SLC24A3: variants seen among roughly 807,000 people sequenced by gnomAD.
SLC24A3 encodes solute carrier family 24 member 3.
Under a neutral mutation model 75.8 loss-of-function variants are expected in SLC24A3, and 28 were observed. That is an observed-to-expected ratio of 0.37 (90% CI 0.27 to 0.51). The LOEUF is 0.51. SLC24A3 is among the 20% of genes least tolerant of loss of function. The pLI, the probability that SLC24A3 is intolerant of heterozygous loss-of-function variation, is 0.94. For synonymous variants in SLC24A3, 372 were observed against 334.1 expected (o/e 1.11, Z -1.24); for missense variants, 663 against 847.8 (o/e 0.78, Z 2.71).
At chr20:19,593,206 A>G (rs2122646250) in intron 6 of SLC24A3, among the ~76,000 whole-genome samples, 1 of 152,322 alleles carries the variant, frequency 6.6e-6, no homozygotes, top group South Asian at 2.1e-4. Context: ...TCTTTCCATG[A>G]CACCACATTC....
intron 1 of SLC24A3, among the ~76,000 whole-genome samples, chr20:19,262,337 G>A (rs573554983): frequency 0.013 from 1,970 of 149,372 alleles, 27 homozygotes; most frequent in Non-Finnish European, 0.018. Context: ...CCCGGGAGGC[G>A]GAGCTTGCAG....
chr20:19,341,382 C>G (rs185338898), intron 2 of SLC24A3, among the ~76,000 whole-genome samples: 2 of 152,240 alleles, frequency 1.3e-5, no homozygotes, highest in Admixed American at 6.5e-5. Context: ...TACAAAAGGC[C>G]CAGAGGTCAT....
intron 12 of SLC24A3, among the ~76,000 whole-genome samples, chr20:19,692,322 T>G (rs1250474334): frequency 1.3e-5 from 2 of 152,164 alleles, no homozygotes; most frequent in Non-Finnish European, 2.9e-5. Flanking sequence ...AAAAGACTTG[T>G]ACAACAATGT....
intron 2 of SLC24A3, among the ~76,000 whole-genome samples, chr20:19,481,651 G>A (rs1387736866): frequency 1.3e-5 from 2 of 152,132 alleles, no homozygotes; most frequent in African/African-American, 4.8e-5. Flanking sequence ...GATGAGCAGA[G>A]TTTGATGTTG....
intron 2 of SLC24A3, among the ~76,000 whole-genome samples, chr20:19,358,596 C>T (rs918232207): frequency 1.3e-5 from 2 of 152,174 alleles, no homozygotes; most frequent in African/African-American, 4.8e-5. Flanking sequence ...GTTTCACAGA[C>T]TTATATCTTC....
chr20:19,257,668 T>A (rs1039827575), intron 1 of SLC24A3: 2 of 152,156 alleles, frequency 1.3e-5, no homozygotes, highest in African/African-American at 4.8e-5. Flanking sequence ...AAGTCTCACT[T>A]ATATCTCTTT....
chr20:19,691,635 C>A (rs544368152), intron 12 of SLC24A3, among the ~76,000 whole-genome samples: 28 of 152,100 alleles, frequency 1.8e-4, no homozygotes, highest in Non-Finnish European at 3.8e-4. Flanking sequence ...GTGAACCTGG[C>A]CCCAGCGGAG....
intron 2 of SLC24A3, among the ~76,000 whole-genome samples, chr20:19,351,844 C>A (rs937690868): frequency 2.0e-5 from 3 of 152,166 alleles, no homozygotes; most frequent in Non-Finnish European, 4.4e-5. Flanking sequence ...TGCTTTCACA[C>A]TCCAGTGGTT....
intron 6 of SLC24A3, among the ~76,000 whole-genome samples, chr20:19,595,532 G>A (rs866969686): frequency 6.6e-6 from 1 of 152,164 alleles, no homozygotes; most frequent in Non-Finnish European, 1.5e-5. Flanking sequence ...ATACACCAAA[G>A]ACAAGGTGAG....
intron 3 of SLC24A3, among the ~76,000 whole-genome samples, chr20:19,569,072 G>A (rs897271668): frequency 3.3e-5 from 5 of 152,190 alleles, no homozygotes; most frequent in Admixed American, 1.3e-4. Flanking sequence ...AGGAACCCAA[G>A]AAAGAGTGGG....
intron 3 of SLC24A3, among the ~76,000 whole-genome samples, chr20:19,539,214 A>G (rs1361113338): frequency 1.3e-5 from 2 of 152,214 alleles, no homozygotes; most frequent in Admixed American, 1.3e-4. Context: ...CACTTCTAAT[A>G]CGTCCATTCC....
chr20:19,287,949 T>C (rs1983854045), intron 2 of SLC24A3, among the ~76,000 whole-genome samples: 1 of 152,224 alleles, frequency 6.6e-6, no homozygotes, highest in Non-Finnish European at 1.5e-5. Flanking sequence ...AGGCTTGTGG[T>C]AATCATTCAG....
intron 6 of SLC24A3, among the ~76,000 whole-genome samples, chr20:19,653,762 C>T (rs114066105): frequency 0.021 from 3,246 of 152,326 alleles, 122 homozygotes; most frequent in African/African-American, 0.073. Context: ...TCCCTGTCTC[C>T]ACGGGGGTCA....
chr20:19,532,431 G>T (rs1568646816), intron 3 of SLC24A3, among the ~76,000 whole-genome samples: 1 of 152,190 alleles, frequency 6.6e-6, no homozygotes, highest in Non-Finnish European at 1.5e-5. Context: ...GTGGTTCATG[G>T]AGTCACCACC....
At chr20:19,585,403 G>A in intron 5 of SLC24A3, 38 bp from the exon 6 acceptor site, 3 of 1,591,490 alleles carry the variant, frequency 1.9e-6, no homozygotes, top group Non-Finnish European at 2.6e-6. Flanking sequence ...ATGCAACAGG[G>A]CCACAACAGC....
chr20:19,264,387 C>G (rs1317404714), intron 1 of SLC24A3, among the ~76,000 whole-genome samples: 1 of 152,146 alleles, frequency 6.6e-6, no homozygotes, highest in Non-Finnish European at 1.5e-5. Flanking sequence ...TTGCCCCAAG[C>G]ATACGCTATG....
intron 1 of SLC24A3, among the ~76,000 whole-genome samples, chr20:19,267,501 G>C (rs1036470913): frequency 5.3e-5 from 8 of 151,936 alleles, no homozygotes; most frequent in Non-Finnish European, 7.4e-5. Flanking sequence ...CTAATAAATT[G>C]ATTTATAAAA....
At chr20:19,240,839 C>T (rs924276610) in intron 1 of SLC24A3, among the ~76,000 whole-genome samples, 2 of 152,172 alleles carry the variant, frequency 1.3e-5, no homozygotes, top group Admixed American at 6.5e-5. Flanking sequence ...GGCTGCCCCT[C>T]GCATGGGGCA....
intron 2 of SLC24A3, among the ~76,000 whole-genome samples, chr20:19,322,832 G>C (rs1161349141): frequency 6.6e-6 from 1 of 152,148 alleles, no homozygotes. Context: ...CTTCTTATCA[G>C]CTGGAGCTGG....
Sources: gnomAD v4.1 joint callset for allele counts (sites outside exome capture counted in the v4.1 genomes callset) on GRCh38, gnomAD v4.1.1 for gene constraint, MANE v1.5 for transcripts, NCBI Gene and HGNC (gene_info 2026-07-23, HGNC 2026-07-21) for gene names.